Variants in ASPRV1 observed in about 807,000 individuals in gnomAD.
The protein encoded by ASPRV1 is retroviral-like aspartic protease 1.
Under a neutral mutation model 11.0 loss-of-function variants are expected in ASPRV1, and 7 were observed. The ratio of observed to expected loss-of-function variants is 0.64; its 90% CI spans 0.36 to 1.20. ASPRV1 has a LOEUF of 1.20. Among genes scored for constraint, ASPRV1 ranks in the 50% most tolerant of loss-of-function variants. The pLI, the probability that ASPRV1 is intolerant of heterozygous loss-of-function variation, is 0.02. For synonymous variants in ASPRV1, 136 were observed against 138.4 expected (o/e 0.98, Z 0.12); for missense variants, 299 against 320.0 (o/e 0.93, Z 0.50).
chr2:69,962,992 G>A (rs1300186748), upstream of ASPRV1: 2 of 315,836 alleles, frequency 6.3e-6, no homozygotes, highest in African/African-American at 2.2e-5. Flanking sequence ...TGTGGCTCTG[G>A]GGCTGTTTTT....
the ASPRV1 span, among the ~76,000 whole-genome samples, chr2:69,951,794 A>G: frequency 1.3e-5 from 2 of 151,868 alleles, no homozygotes; most frequent in African/African-American, 2.4e-5. Context: ...CTCCTAGTTT[A>G]TTTTCAGCCA....
chr2:69,994,225 G>A, the ASPRV1 span: 1 of 152,286 alleles, frequency 6.6e-6, no homozygotes, highest in African/African-American at 2.4e-5. Context: ...CCTGCTAGAT[G>A]AGCAGCGTTG....
the ASPRV1 span, among the ~76,000 whole-genome samples, chr2:70,061,043 T>TGGCCG: frequency 3.3e-5 from 5 of 152,118 alleles, no homozygotes; most frequent in South Asian, 6.2e-4. Flanking sequence ...TAACAGTTTC[T>TGGCCG]TTATATAGAG....
At chr2:70,066,528 C>A in the ASPRV1 span, among the ~76,000 whole-genome samples, 3 of 152,136 alleles carry the variant, frequency 2.0e-5, no homozygotes, top group Non-Finnish European at 2.9e-5. Context: ...TAGGCATGAG[C>A]CACTGCGCCT....
At chr2:70,084,395 A>T in the ASPRV1 span, among the ~76,000 whole-genome samples, 1 of 152,174 alleles carries the variant, frequency 6.6e-6, no homozygotes, top group African/African-American at 2.4e-5. Context: ...CTCTGCAGAG[A>T]CCACATCCAG....
the ASPRV1 span, among the ~76,000 whole-genome samples, chr2:70,001,935 A>C: frequency 3.9e-5 from 6 of 152,208 alleles, no homozygotes; most frequent in African/African-American, 1.4e-4. Context: ...AAAAATGTTC[A>C]CAATGTATTG....
chr2:70,040,225 G>A, the ASPRV1 span, among the ~76,000 whole-genome samples: 3 of 152,086 alleles, frequency 2.0e-5, no homozygotes, highest in African/African-American at 4.8e-5. Context: ...AGTAGAGACA[G>A]TTGGGCATAG....
the ASPRV1 span, chr2:69,941,792 G>C: frequency 6.6e-6 from 1 of 152,012 alleles, no homozygotes; most frequent in South Asian, 2.1e-4. Context: ...AATAGATTTT[G>C]TGGGCTTATT....
chr2:69,990,286 C>T, the ASPRV1 span, among the ~76,000 whole-genome samples: 2 of 152,116 alleles, frequency 1.3e-5, no homozygotes, highest in Admixed American at 6.6e-5. Flanking sequence ...TGGGTTCATG[C>T]GATTCTCATT....
At chr2:69,988,495 G>A in the ASPRV1 span, 6 of 309,362 alleles carry the variant, frequency 1.9e-5, no homozygotes, top group South Asian at 1.7e-4. Flanking sequence ...GTACAGCGGT[G>A]GTTGCAGGAG....
At chr2:70,046,096 CA>C in the ASPRV1 span, 1 of 152,156 alleles carries the variant, frequency 6.6e-6, no homozygotes, top group African/African-American at 2.4e-5. Flanking sequence ...TGTCACACCT[CA>C]AATCAACAAC....
At chr2:70,035,728 G>A in the ASPRV1 span, among the ~76,000 whole-genome samples, 4 of 151,284 alleles carry the variant, frequency 2.6e-5, no homozygotes, top group African/African-American at 9.7e-5. Flanking sequence ...ATGACTGCCA[G>A]TTGGAAAACT....
the ASPRV1 span, among the ~76,000 whole-genome samples, chr2:70,013,244 G>GA: frequency 1.3e-5 from 2 of 152,302 alleles, no homozygotes; most frequent in African/African-American, 4.8e-5. Context: ...GTTTAATATA[G>GA]AAAAGTATGA....
chr2:70,032,469 C>T, the ASPRV1 span, among the ~76,000 whole-genome samples: 1 of 149,554 alleles, frequency 6.7e-6, no homozygotes, highest in East Asian at 2.0e-4. Context: ...TCAGCCTAAG[C>T]AACCTGGCGA....
At chr2:70,074,133 CAAAAAAAAAAAA>C in the ASPRV1 span, among the ~76,000 whole-genome samples, 7 of 7,816 alleles carry the variant, frequency 9.0e-4, no homozygotes, top group Non-Finnish European at 1.7e-3. Context: ...AACTTCATCT[CAAAAAAAAAAAA>C]AAAAAAAAAA....
At chr2:70,056,455 A>T in the ASPRV1 span, 1 of 151,690 alleles carries the variant, frequency 6.6e-6, no homozygotes, top group Non-Finnish European at 1.5e-5. Context: ...AATACAAAAA[A>T]TTAGCCGGGC....
chr2:69,982,761 A>C, the ASPRV1 span, among the ~76,000 whole-genome samples: 1 of 152,022 alleles, frequency 6.6e-6, no homozygotes, highest in African/African-American at 2.4e-5. Context: ...GTCACCACAA[A>C]ACCTTAGGCC....
chr2:69,972,835 C>T, the ASPRV1 span, among the ~76,000 whole-genome samples: 1 of 151,990 alleles, frequency 6.6e-6, no homozygotes, highest in African/African-American at 2.4e-5. Flanking sequence ...AGAGAAATGG[C>T]GAGCTCTCAC....
chr2:69,957,399 T>C (rs1021247419), downstream of ASPRV1, among the ~76,000 whole-genome samples: 7 of 151,856 alleles, frequency 4.6e-5, no homozygotes, highest in African/African-American at 1.7e-4. Flanking sequence ...CTCTTGCAAC[T>C]TTCCTGTTAG....
Sources: allele counts gnomAD v4.1 joint callset (sites outside exome capture counted in the v4.1 genomes callset), GRCh38; gene constraint gnomAD v4.1.1; transcripts MANE v1.5; gene names NCBI Gene and HGNC (gene_info 2026-07-23, HGNC 2026-07-21).